The following EEFSEC variants were observed in gnomAD, a reference collection of about 807,000 sequenced individuals.
EEFSEC encodes the protein selenocysteine-specific elongation factor.
Under a neutral mutation model 42.1 loss-of-function variants are expected in EEFSEC, and 43 were observed. The ratio of observed to expected loss-of-function variants is 1.02; its 90% confidence interval spans 0.80 to 1.32. The LOEUF is 1.32. EEFSEC is among the 40% of genes most tolerant of loss of function. EEFSEC has a pLI of 0.00. For missense variants in EEFSEC, 745 were observed against 803.6 expected (o/e 0.93, Z 0.88); for synonymous variants, 354 against 339.1 (o/e 1.04, Z -0.48).
intron 2 of EEFSEC, among the ~76,000 whole-genome samples, chr3:128,252,523 G>A (rs1008195014): frequency 2.0e-5 from 3 of 152,208 alleles, no homozygotes; most frequent in African/African-American, 7.2e-5. Flanking sequence ...CGCATGCATA[G>A]TTCGTGGAAT....
intron 4 of EEFSEC, among the ~76,000 whole-genome samples, chr3:128,324,541 G>A (rs1040435428): frequency 3.9e-5 from 6 of 152,172 alleles, no homozygotes; most frequent in East Asian, 1.9e-4. Flanking sequence ...GTTACTAAGC[G>A]CTTTCCCTGA....
At chr3:128,392,255 G>T (rs558451281) in intron 6 of EEFSEC, among the ~76,000 whole-genome samples, 1 of 152,322 alleles carries the variant, frequency 6.6e-6, no homozygotes, top group South Asian at 2.1e-4. Flanking sequence ...TGCAGATGCA[G>T]GTTCTGGAGC....
At chr3:128,228,781 G>A (rs908497570) in intron 1 of EEFSEC, among the ~76,000 whole-genome samples, 1 of 152,270 alleles carries the variant, frequency 6.6e-6, no homozygotes, top group Middle Eastern at 3.4e-3. Context: ...TGGGGGTGTT[G>A]GTAATAGTAC....
chr3:128,363,631 C>A (rs2067555240), intron 6 of EEFSEC, among the ~76,000 whole-genome samples: 3 of 152,208 alleles, frequency 2.0e-5, no homozygotes, highest in African/African-American at 7.2e-5. Flanking sequence ...GGCCATCCTG[C>A]ACCCAATGCT....
chr3:128,407,985 A>C (rs962039244), intron 6 of EEFSEC, 84 bp from the exon 7 acceptor site: 10 of 1,295,550 alleles, frequency 7.7e-6, no homozygotes, highest in Non-Finnish European at 1.0e-5. Context: ...AAGAGGGGTG[A>C]GTCTAGGCAG....
At chr3:128,355,516 G>C (rs900498188) in intron 5 of EEFSEC, among the ~76,000 whole-genome samples, 8 of 151,646 alleles carry the variant, frequency 5.3e-5, no homozygotes, top group African/African-American at 1.9e-4. Flanking sequence ...GGTTTCACAG[G>C]CATGTATATG....
intron 6 of EEFSEC, among the ~76,000 whole-genome samples, chr3:128,376,621 A>G (rs2067713064): frequency 6.6e-6 from 1 of 151,986 alleles, no homozygotes. Flanking sequence ...GCCATTGAAA[A>G]CTGTTCCTCT....
At chr3:128,164,795 C>T (rs2065228290) in intron 1 of EEFSEC, among the ~76,000 whole-genome samples, 1 of 152,102 alleles carries the variant, frequency 6.6e-6, no homozygotes, top group African/African-American at 2.4e-5. Flanking sequence ...AGAGTCTCTT[C>T]TGGGAGGAAG....
chr3:128,186,628 C>G (rs1162529525), intron 1 of EEFSEC, among the ~76,000 whole-genome samples: 2 of 152,030 alleles, frequency 1.3e-5, no homozygotes, highest in Non-Finnish European at 1.5e-5. Context: ...CAACTTAATT[C>G]TTTAGCTTGT....
intron 1 of EEFSEC, among the ~76,000 whole-genome samples, chr3:128,154,750 G>C (rs1944343145): frequency 6.6e-6 from 1 of 152,150 alleles, no homozygotes; most frequent in Non-Finnish European, 1.5e-5. Flanking sequence ...CGTCCGGCCT[G>C]TACCAACATT....
rs548011416 is a variant in EEFSEC, at chr3:128,183,161, T to C, written c.316+29338T>C. Among the ~76,000 whole-genome samples the C allele has an allele frequency of 5.9e-5, 9 of 152,330 alleles. No individual in the cohort carries two copies. In the South Asian group the frequency reaches 1.9e-3, roughly 32 times the overall value. ...GCTCAGAATACCTACCTGTTAGAGTTGCTTCGAGAACATAGAATAAATATT... is the reference window on the plus strand; with the variant it reads ...GCTCAGAATACCTACCTGTTAGAGTCGCTTCGAGAACATAGAATAAATATT... On this transcript the variant is annotated intron_variant, in intron 1 of 6. Coordinates refer to ENST00000254730, the MANE Select transcript of EEFSEC (RefSeq NM_021937.5).
chr3:128,278,585 C>CAG (rs2066491692), intron 4 of EEFSEC, among the ~76,000 whole-genome samples: 2 of 152,200 alleles, frequency 1.3e-5, no homozygotes, highest in East Asian at 3.9e-4. Context: ...TATTTATGTG[C>CAG]TGTTGGTGGC....
chr3:128,345,335 C>T (rs985872160), intron 5 of EEFSEC, among the ~76,000 whole-genome samples: 3 of 152,200 alleles, frequency 2.0e-5, no homozygotes, highest in African/African-American at 7.2e-5. Context: ...CTCTTTGAAG[C>T]ACAGGAGCCA....
intron 4 of EEFSEC, among the ~76,000 whole-genome samples, chr3:128,297,563 C>T (rs1163066749): frequency 6.6e-6 from 1 of 152,124 alleles, no homozygotes; most frequent in Non-Finnish European, 1.5e-5. Context: ...ACCCCACGGT[C>T]ATGCTGAGTT....
At chr3:128,368,663 G>A (rs1337268526) in intron 6 of EEFSEC, among the ~76,000 whole-genome samples, 1 of 152,208 alleles carries the variant, frequency 6.6e-6, no homozygotes, top group Non-Finnish European at 1.5e-5. Flanking sequence ...GAAGGGCCTG[G>A]GTCAGCTCAC....
the EEFSEC span, among the ~76,000 whole-genome samples, chr3:128,418,442 G>A: frequency 6.6e-6 from 1 of 151,760 alleles, no homozygotes; most frequent in Non-Finnish European, 1.5e-5. Context: ...CACCAGCAAG[G>A]CCCAGGCCTT....
chr3:128,351,011 T>G (rs1161164988), intron 5 of EEFSEC, among the ~76,000 whole-genome samples: 1 of 152,196 alleles, frequency 6.6e-6, no homozygotes, highest in East Asian at 1.9e-4. Context: ...ACCGCATTTT[T>G]AAGGGACTCA....
At chr3:128,280,980 C>T (rs2066520065) in intron 4 of EEFSEC, among the ~76,000 whole-genome samples, 1 of 152,178 alleles carries the variant, frequency 6.6e-6, no homozygotes, top group Admixed American at 6.5e-5. Context: ...TATACAAATA[C>T]TTTCGTCCCT....
chr3:128,200,931 A>G (rs77182901), intron 1 of EEFSEC, among the ~76,000 whole-genome samples: 1,704 of 152,224 alleles, frequency 0.011, 23 homozygotes, highest in African/African-American at 0.039. Flanking sequence ...CAGCCCTAGA[A>G]TGGGACAGTT....
Sources: gnomAD v4.1 joint callset for allele counts (sites outside exome capture counted in the v4.1 genomes callset) on GRCh38, gnomAD v4.1.1 for gene constraint, MANE v1.5 for transcripts, NCBI Gene and HGNC (gene_info 2026-07-23, HGNC 2026-07-21) for gene names.